Variants in PCGF3 observed in about 807,000 individuals in gnomAD.
PCGF3 encodes the protein polycomb group RING finger protein 3.
A neutral mutation model predicts 33.1 loss-of-function variants in PCGF3; 7 were observed. The ratio of observed to expected loss-of-function variants is 0.21; its 90% CI spans 0.12 to 0.40. PCGF3 has a LOEUF of 0.40. Among genes scored for constraint, PCGF3 ranks in the 10% least tolerant of loss-of-function variants. PCGF3 has a pLI of 1.00. For synonymous variants in PCGF3, 153 were observed against 121.3 expected (o/e 1.26, Z -1.72); for missense variants, 211 against 313.3 (o/e 0.67, Z 2.46).
At chr4:756,413 A>G (rs1196838863) in intron 8 of PCGF3, among the ~76,000 whole-genome samples, 2 of 151,232 alleles carry the variant, frequency 1.3e-5, no homozygotes, top group African/African-American at 4.9e-5. Context: ...GGGTTTCACT[A>G]TGTTGGCCCG....
intron 9 of PCGF3, 128 bp from the exon 10 acceptor site, chr4:764,856 C>G (rs910597989): frequency 3.1e-5 from 20 of 648,086 alleles, no homozygotes; most frequent in Admixed American, 1.9e-4. Flanking sequence ...CAGCCCCCCC[C>G]ACCCCATCTC....
intron 8 of PCGF3, among the ~76,000 whole-genome samples, chr4:753,046 C>T (rs1744596851): frequency 6.6e-6 from 1 of 152,244 alleles, no homozygotes; most frequent in East Asian, 1.9e-4. Context: ...AGATCCCGGC[C>T]CTCACTGGAG....
chr4:755,078 G>A (rs1414503895), intron 8 of PCGF3, among the ~76,000 whole-genome samples: 1 of 152,252 alleles, frequency 6.6e-6, no homozygotes, highest in Non-Finnish European at 1.5e-5. Flanking sequence ...GCATTTCGAG[G>A]TGTGTAACGT....
intron 1 of PCGF3, among the ~76,000 whole-genome samples, chr4:719,807 G>A (rs1030475841): frequency 6.6e-6 from 1 of 152,134 alleles, no homozygotes; most frequent in African/African-American, 2.4e-5. Flanking sequence ...GGCCTCATCC[G>A]TGTCCTGCCG....
At chr4:769,059 G>A (rs1416718135) in exon 11 of PCGF3, 3 of 152,812 alleles carry the variant, frequency 2.0e-5, no homozygotes, top group Non-Finnish European at 1.5e-5. Context: ...TATTGGGGTT[G>A]TGTGTGAGTG....
intron 6 of PCGF3, among the ~76,000 whole-genome samples, chr4:738,731 T>C (rs1577419135): frequency 6.7e-6 from 1 of 149,436 alleles, no homozygotes; most frequent in African/African-American, 2.4e-5. Flanking sequence ...TGGTGTCAGG[T>C]GCCTGTAATC....
intron 8 of PCGF3, among the ~76,000 whole-genome samples, chr4:750,025 G>A (rs1744443723): frequency 6.6e-6 from 1 of 152,152 alleles, no homozygotes; most frequent in Non-Finnish European, 1.5e-5. Context: ...AGGCCGGTCT[G>A]AACTCCTGGG....
chr4:739,565 C>CCT (rs1192990543), intron 6 of PCGF3, among the ~76,000 whole-genome samples: 1 of 152,224 alleles, frequency 6.6e-6, no homozygotes, highest in African/African-American at 2.4e-5. Flanking sequence ...CCTGCCTCTG[C>CCT]CTTCCCATTG....
intron 6 of PCGF3, among the ~76,000 whole-genome samples, chr4:741,846 G>A (rs1324303092): frequency 6.6e-6 from 1 of 152,130 alleles, no homozygotes; most frequent in Non-Finnish European, 1.5e-5. Context: ...GCTTTCCACT[G>A]TGTCCGTGGG....
At chr4:758,581 C>G (rs1744893282) in intron 8 of PCGF3, among the ~76,000 whole-genome samples, 1 of 135,062 alleles carries the variant, frequency 7.4e-6, no homozygotes, top group Non-Finnish European at 1.6e-5. Flanking sequence ...CCCGCACGGC[C>G]CCTCCCCCGA....
In PCGF3 at chr4:721,702, G is replaced by C. The variant is rs931309671; in HGVS notation, c.-189-8928G>C. Among the ~76,000 whole-genome samples, 93 of 151,992 alleles carry C rather than the reference G, an allele frequency of 6.1e-4. No homozygotes were observed. The highest frequency in any genetic ancestry group is 2.2e-3 in the African/African-American group (92 of 41,484). ...GGCTCTGCGTGTGGGTGTGGAGAGA[G>C]GCCTGTGGGAGACGGATGGATGGGT... On this transcript the variant is annotated intron_variant, in intron 1 of 10. Coordinates refer to ENST00000362003, the Ensembl canonical transcript of PCGF3. This position sits in a 1 kb window ranked among gnomAD's most constrained non-coding sequence, Gnocchi z 4.1.
At chr4:750,522 A>T (rs1744465074) in intron 8 of PCGF3, among the ~76,000 whole-genome samples, 1 of 152,192 alleles carries the variant, frequency 6.6e-6, no homozygotes, top group South Asian at 2.1e-4. Context: ...GGCCCTTCAC[A>T]AGTGACCTAC....
intron 1 of PCGF3, among the ~76,000 whole-genome samples, chr4:729,316 G>A (rs1382652103): frequency 6.6e-6 from 1 of 151,748 alleles, no homozygotes; most frequent in Non-Finnish European, 1.5e-5. Flanking sequence ...TCAGGAGGCT[G>A]AAGTGGGAGG....
At chr4:766,261 G>A (rs1745367416) in exon 11 of PCGF3, 1 of 582,064 alleles carries the variant, frequency 1.7e-6, no homozygotes, top group Non-Finnish European at 3.1e-6. Flanking sequence ...CGTTTACAGA[G>A]GATGAAAACA....
chr4:720,699 G>T lies in PCGF3; in HGVS notation c.-189-9931G>T, dbSNP rs893747550. On this transcript the variant is annotated intron_variant, in intron 1 of 10. Coordinates refer to ENST00000362003, the Ensembl canonical transcript of PCGF3. The surrounding 1 kb of genome is among the most constrained non-coding windows in gnomAD (Gnocchi z 5.6). ...CCGGGGTGGACGGGCGGTGACGTGC[G>T]TGTGGACCCGGCGTGGACGGGCGGT... is the stretch of plus-strand genomic sequence containing the variant. 6.7e-6 allele frequency among the ~76,000 whole-genome samples: 1 copy of T among 149,894 alleles called. No homozygotes were observed. Among genetic ancestry groups the T allele is most frequent in the African/African-American group, 2.5e-5 (1 of 40,564 alleles).
At chr4:761,233 C>CG (rs1745039284) in intron 8 of PCGF3, 46 bp from the exon 9 acceptor site, 1 of 1,505,730 alleles carries the variant, frequency 6.6e-7, no homozygotes, top group Non-Finnish European at 8.9e-7. Context: ...CAGAACCGTC[C>CG]GGGGGAACCC....
intron 4 of PCGF3, chr4:734,471 T>A (rs1743749298): frequency 8.0e-7 from 1 of 1,245,926 alleles, no homozygotes; most frequent in African/African-American, 1.5e-5. Context: ...ATTTGCCAAT[T>A]TGATAGAATT....
At chr4:766,259 G>A (rs1400637223) in exon 11 of PCGF3, 6 of 590,214 alleles carry the variant, frequency 1.0e-5, no homozygotes, top group Admixed American at 8.8e-5. Flanking sequence ...CACGTTTACA[G>A]AGGATGAAAA....
chr4:767,380 G>C (rs1234517633), exon 11 of PCGF3: 1 of 152,106 alleles, frequency 6.6e-6, no homozygotes, highest in East Asian at 1.9e-4. Flanking sequence ...AGCAAGGGCT[G>C]TTTTCTGGAG....
Sources: gnomAD v4.1 joint callset for allele counts (sites outside exome capture counted in the v4.1 genomes callset) on GRCh38, gnomAD v4.1.1 for gene constraint, Gnocchi (gnomAD v3.1) non-coding constraint, MANE v1.5 for transcripts, NCBI Gene and HGNC (gene_info 2026-07-23, HGNC 2026-07-21) for gene names.